ZYG11A: variants seen among roughly 807,000 people sequenced by gnomAD.
ZYG11A encodes protein zyg-11 homolog A.
In ZYG11A, 62 loss-of-function variants were observed where a neutral mutation model predicts 77.2. The observed-to-expected ratio is 0.80, with a 90% CI of 0.65 to 0.99. The LOEUF (loss-of-function observed/expected upper bound fraction) is 0.99, where lower values mean the gene tolerates loss of function less well. Ranked by LOEUF, ZYG11A falls within the 50% of genes least tolerant of loss-of-function variation. The probability of loss-of-function intolerance (pLI) is 0.00; values close to 1 mark genes in which losing one functional copy is unlikely to be tolerated. For synonymous variants in ZYG11A, 315 were observed against 324.6 expected (o/e 0.97, Z 0.32); for missense variants, 828 against 896.8 (o/e 0.92, Z 0.98).
At chr1:52,858,090 C>G (rs75222885) in intron 3 of ZYG11A, among the ~76,000 whole-genome samples, 21 of 149,670 alleles carry the variant, frequency 1.4e-4, no homozygotes, top group African/African-American at 5.1e-4. Flanking sequence ...CCTGGCCACA[C>G]GTGAGAATAT....
intron 10 of ZYG11A, among the ~76,000 whole-genome samples, chr1:52,878,415 G>A (rs1646300091): frequency 6.6e-6 from 1 of 152,176 alleles, no homozygotes; most frequent in Non-Finnish European, 1.5e-5. Flanking sequence ...CTAGAGGGCA[G>A]GCCCCACTGT....
intron 10 of ZYG11A, 79 bp from the exon 11 acceptor site, chr1:52,881,392 C>G (rs2150018013): frequency 4.9e-6 from 5 of 1,015,176 alleles, no homozygotes; most frequent in Non-Finnish European, 7.1e-6. Context: ...ACCTGAGAAG[C>G]AGGAAAGGGA....
chr1:52,867,946 A>ACCT (rs768788936), intron 8 of ZYG11A, among the ~76,000 whole-genome samples, 169 bp downstream of exon 8: 14 of 140,138 alleles, frequency 1.0e-4, no homozygotes, highest in Non-Finnish European at 1.8e-4. Context: ...TTTGGTATGT[A>ACCT]CCTCCACATT....
At chr1:52,891,801 C>G (rs1646547906) in intron 13 of ZYG11A, among the ~76,000 whole-genome samples, 4 of 151,996 alleles carry the variant, frequency 2.6e-5, no homozygotes, top group Admixed American at 2.6e-4. Flanking sequence ...TTAGCTTACA[C>G]TAGCTGAAGT....
At chr1:52,847,090 C>T (rs1158905012) in intron 1 of ZYG11A, among the ~76,000 whole-genome samples, 2 of 149,052 alleles carry the variant, frequency 1.3e-5, no homozygotes, top group Non-Finnish European at 3.0e-5. Context: ...TCAGGTGTTT[C>T]GCTGTTGTTG....
chr1:52,890,660 G>A (rs1278833584), intron 13 of ZYG11A, among the ~76,000 whole-genome samples: 1 of 151,748 alleles, frequency 6.6e-6, no homozygotes, highest in Non-Finnish European at 1.5e-5. Context: ...AGGCTGGAGT[G>A]CAGTGGCACA....
intron 8 of ZYG11A, among the ~76,000 whole-genome samples, chr1:52,869,693 C>T (rs1055197178): frequency 1.4e-4 from 21 of 151,976 alleles, no homozygotes; most frequent in African/African-American, 4.9e-4. Flanking sequence ...TTTTCCCCAC[C>T]TTTCCTCCTT....
Position 52,892,840 on chromosome 1 carries a change from C to A in ZYG11A, c.2163C>A (p.Ile721=). ...AAGGATTGCAGCTTTTGTGTGATAT[C>A]CAGGAGCACAGTGAGGCAACCCCCA... ...EEEGLQLLCD[I]QEHSEATPKA... is the part of the protein sequence containing the mutation. Residue 721 remains isoleucine (I), a synonymous_variant, in exon 14 of 14, where the codon ATC becomes ATA. Transcript: ENST00000371528. 6.4e-7 allele frequency: 1 copy of A among 1,551,608 alleles called. No homozygotes were observed. The highest frequency in any genetic ancestry group is 8.7e-7 in the Non-Finnish European group (1 of 1,146,976).
At chr1:52,882,651 G>A (rs568337616) in intron 11 of ZYG11A, among the ~76,000 whole-genome samples, 1 of 152,252 alleles carries the variant, frequency 6.6e-6, no homozygotes, top group South Asian at 2.1e-4. Context: ...AAATGGCTGG[G>A]TATAGAATTC....
chr1:52,870,668 G>A (rs977049561), intron 8 of ZYG11A, among the ~76,000 whole-genome samples: 4 of 152,224 alleles, frequency 2.6e-5, no homozygotes, highest in South Asian at 2.1e-4. Context: ...AGACCAGCCC[G>A]GCCAACACAG....
chr1:52,850,374 G>A (rs1035151060), intron 1 of ZYG11A, among the ~76,000 whole-genome samples: 3 of 149,776 alleles, frequency 2.0e-5, no homozygotes, highest in African/African-American at 7.4e-5. Flanking sequence ...GTTGGCGTGC[G>A]GTGGAGTGAT....
chr1:52,881,386 G>A, intron 10 of ZYG11A, 85 bp from the exon 11 acceptor site: 1 of 978,128 alleles, frequency 1.0e-6, no homozygotes, highest in South Asian at 1.8e-5. Flanking sequence ...TATCTGACCT[G>A]AGAAGCAGGA....
rs1196420204 is a variant in ZYG11A, at chr1:52,872,895, AAAAAGAAAAG to A, written c.1543-4778_1543-4769del. 8.1e-3 allele frequency among the ~76,000 whole-genome samples: 501 copies of A among 61,600 alleles called. 6 individuals carry two copies. Among genetic ancestry groups the A allele is most frequent in the African/African-American group, 0.023 (476 of 20,406 alleles). 40.4% of individuals were successfully genotyped at this position (61,600 alleles called of 152,430 possible). ...GAGACTCTGTCTCAAAAAAAAAAAA[AAAAAGAAAAG>A]AAAAGAAAGAAAGAAAAAAGAAATA... is the stretch of plus-strand genomic sequence containing the variant. On this transcript the variant is annotated intron_variant, in intron 8 of 13. Coordinates refer to ENST00000371528, the MANE Select transcript of ZYG11A (RefSeq NM_001004339.3).
At chr1:52,875,162 A>AT (rs1646239518) in intron 8 of ZYG11A, among the ~76,000 whole-genome samples, 1 of 152,192 alleles carries the variant, frequency 6.6e-6, no homozygotes, top group Admixed American at 6.5e-5. Flanking sequence ...ATCATATCAA[A>AT]TACTACTGAG....
At chr1:52,843,690 T>TTTC (rs1645501903) in intron 1 of ZYG11A, among the ~76,000 whole-genome samples, 1 of 111,240 alleles carries the variant, frequency 9.0e-6, no homozygotes, top group African/African-American at 6.5e-5. Flanking sequence ...CTTTCTTTCT[T>TTTC]TTTTTTTTTT....
intron 12 of ZYG11A, 65 bp from the exon 13 acceptor site, chr1:52,886,891 A>G (rs1646462078): frequency 2.8e-6 from 2 of 706,646 alleles, no homozygotes; most frequent in Non-Finnish European, 2.4e-6. Flanking sequence ...AGTACAAATT[A>G]TTATATCCCT....
At chr1:52,884,864 C>A (rs767687971) in intron 11 of ZYG11A, among the ~76,000 whole-genome samples, 1 of 151,962 alleles carries the variant, frequency 6.6e-6, no homozygotes, top group Non-Finnish European at 1.5e-5. Flanking sequence ...ATCGGGGAGT[C>A]CGAATCCTTT....
intron 1 of ZYG11A, among the ~76,000 whole-genome samples, chr1:52,852,000 C>T (rs912828534): frequency 2.0e-5 from 3 of 151,126 alleles, no homozygotes; most frequent in Non-Finnish European, 3.0e-5. Context: ...CTGCAACCTC[C>T]GCCTCCCGGG....
intron 13 of ZYG11A, among the ~76,000 whole-genome samples, chr1:52,891,961 G>A (rs1204350653): frequency 6.6e-6 from 1 of 151,504 alleles, no homozygotes; most frequent in Non-Finnish European, 1.5e-5. Context: ...GTGCAGTGGC[G>A]TGATCTCGGC....
Sources: allele counts gnomAD v4.1 joint callset (sites outside exome capture counted in the v4.1 genomes callset), GRCh38; gene constraint gnomAD v4.1.1; transcripts MANE v1.5; gene names NCBI Gene and HGNC (gene_info 2026-07-23, HGNC 2026-07-21).